ABCA4: variants seen among roughly 807,000 people sequenced by gnomAD.
ABCA4 encodes retinal-specific phospholipid-transporting ATPase ABCA4.
In ABCA4, 196 loss-of-function variants were observed where a neutral mutation model predicts 263.7. The ratio of observed to expected loss-of-function variants is 0.74; its 90% CI spans 0.66 to 0.84. The LOEUF (loss-of-function observed/expected upper bound fraction) is 0.84, where lower values mean the gene tolerates loss of function less well. Among genes scored for constraint, ABCA4 ranks in the 40% least tolerant of loss-of-function variants. The pLI is 0.00. For missense variants in ABCA4, 2,792 were observed against 2,855.1 expected, an observed-to-expected ratio of 0.98 and a Z score of 0.50; for synonymous variants, 1,133 against 1,094.2, an observed-to-expected ratio of 1.04 and a Z score of -0.70.
intron 6 of ABCA4, among the ~76,000 whole-genome samples, chr1:94,096,030 C>G (rs925673695): frequency 6.6e-6 from 1 of 152,188 alleles, no homozygotes; most frequent in African/African-American, 2.4e-5. Context: ...GAAAGCATCT[C>G]CACACCACGG....
intron 9 of ABCA4, 134 bp downstream of exon 9, chr1:94,079,188 C>A: frequency 1.5e-6 from 2 of 1,327,246 alleles, no homozygotes; most frequent in South Asian, 2.4e-5. Flanking sequence ...GGGGAGGAAA[C>A]GCAAGAGTCC....
intron 48 of ABCA4, 130 bp downstream of exon 48, chr1:93,997,731 C>T: frequency 8.2e-7 from 1 of 1,222,830 alleles, no homozygotes; most frequent in Non-Finnish European, 1.2e-6. Context: ...AGCTTTTACC[C>T]CAATAAACAG....
In ABCA4 at chr1:94,078,623, G is replaced by T; in HGVS notation, c.1323C>A (p.Phe441Leu). The change falls in exon 10 of 50, where the codon TTC (phenylalanine) becomes TTA (leucine). Residue 441 changes from phenylalanine (F) to leucine (L), a missense_variant. Phe to Leu is a conservative substitution (Grantham distance 22). Coordinates refer to ENST00000370225, the MANE Select transcript of ABCA4 (RefSeq NM_000350.3). ...TGTTCATCTGTGTGCTGTTGTCAAAGAAGTACCAGATCTGGGGCCCTACTT... is the reference window on the plus strand; with the variant it reads ...TGTTCATCTGTGTGCTGTTGTCAAATAAGTACCAGATCTGGGGCCCTACTT... The part of the protein sequence containing the change: ...WEEVGPQIWY[F>L]FDNSTQMNMI... The T allele has an allele frequency of 7.3e-7, 1 of 1,369,380 alleles. No homozygotes were observed. The highest frequency in any genetic ancestry group is 4.3e-5 in the East Asian group (1 of 23,090). The allele number at this position is 1,369,380 out of a possible 1,614,324, so 84.8% of individuals were successfully genotyped here.
rs993899876 is a variant in ABCA4 at position 94,080,843 on chromosome 1, A to G, written c.859-125T>C. ...AAGAAAACATCCATATATTCTCAGC[A>G]ATCCTTAATCCAGCTGCGAAAAACA... On this transcript the variant is annotated intron_variant, in intron 7 of 49. Transcript: ENST00000370225. 18 of 1,409,950 alleles carry G rather than the reference A, an allele frequency of 1.3e-5. 1 individual carries two copies. The highest frequency in any genetic ancestry group is 1.9e-5 in the Admixed American group (1 of 52,024). 87.3% of individuals were successfully genotyped at this position (1,409,950 alleles called of 1,614,324 possible).
chr1:94,034,837 A>G (rs1189013373), intron 26 of ABCA4, among the ~76,000 whole-genome samples: 3 of 152,200 alleles, frequency 2.0e-5, no homozygotes, highest in Non-Finnish European at 4.4e-5. Flanking sequence ...GATGGTTTGT[A>G]AACATTTAGT....
At position 94,014,605 on chromosome 1, in the gene ABCA4, G is replaced by C; in HGVS notation, c.5398C>G (p.Leu1800Val). The change falls in exon 38 of 50, where the codon CTG (leucine) becomes GTG (valine). Residue 1800 changes from leucine to valine, a missense_variant. Coordinates refer to ENST00000370225, the MANE Select transcript of ABCA4 (RefSeq NM_000350.3). ...GCACTGCTGTTGATGCCGATGAACA[G>C]ATTAGCACAAGATAAAGCCACATAG... ...TAYVALSCAN[L>V]FIGINSSAIT... 6.2e-7 allele frequency: 1 copy of C among 1,614,212 alleles called. No homozygotes were observed. Among genetic ancestry groups the C allele is most frequent in the Non-Finnish European group, 8.5e-7 (1 of 1,180,026 alleles).
chr1:94,108,474 TCCG>T (rs1662501450), intron 4 of ABCA4, 100 bp downstream of exon 4: 1 of 1,546,534 alleles, frequency 6.5e-7, no homozygotes, highest in Non-Finnish European at 8.9e-7. Context: ...CCTTCCTGCC[TCCG>T]CTAGTATATT....
At chr1:94,006,145 A>G (rs558018779) in intron 43 of ABCA4, among the ~76,000 whole-genome samples, 2 of 152,326 alleles carry the variant, frequency 1.3e-5, no homozygotes, top group Non-Finnish European at 2.9e-5. Context: ...AAGATGGAAA[A>G]TAAACTATAC....
At chr1:94,109,669 C>G (rs1299520049) in intron 3 of ABCA4, among the ~76,000 whole-genome samples, 1 of 152,170 alleles carries the variant, frequency 6.6e-6, no homozygotes, top group Non-Finnish European at 1.5e-5. Context: ...CTGGCAGGCC[C>G]AGATGGAAGA....
chr1:94,011,370 T>C lies in ABCA4; in HGVS notation c.5476A>G (p.Asn1826Asp). The C allele has an allele frequency of 6.2e-7, 1 of 1,614,014 alleles. No individual in the cohort carries two copies. The highest frequency in any genetic ancestry group is 1.7e-5 in the Admixed American group (1 of 60,022). Residue 1826 changes from asparagine (N) to aspartate (D), a missense_variant, in exon 39 of 50, where the codon AAC (asparagine) becomes GAC (aspartate). By Grantham distance (23) the Asn-to-Asp change is conservative. Transcript: ENST00000370225. The stretch of plus-strand genomic sequence containing the variant: ...ATGAGCAGCTTCCTCAGCACGGCGT[T>C]GAACCTGAGCAGCGTCTGAAACAGA... The part of the protein sequence containing the change: ...FENNRTLLRF[N>D]AVLRKLLIVF...
intron 17 of ABCA4, 74 bp from the exon 18 acceptor site, chr1:94,049,031 A>G (rs1266900830): frequency 2.1e-6 from 3 of 1,451,932 alleles, no homozygotes; most frequent in Non-Finnish European, 2.9e-6. Context: ...AGGAGGGGAG[A>G]GGTACAGGGA....
intron 37 of ABCA4, among the ~76,000 whole-genome samples, chr1:94,015,210 T>C (rs1162224803): frequency 2.0e-5 from 3 of 152,180 alleles, no homozygotes; most frequent in Admixed American, 1.3e-4. Flanking sequence ...GAGGCCGAGA[T>C]GGATGAATTA....
intron 2 of ABCA4, 38 bp downstream of exon 2, chr1:94,112,935 C>T (rs1231566252): frequency 6.5e-7 from 1 of 1,540,838 alleles, no homozygotes; most frequent in Non-Finnish European, 9.0e-7. Context: ...AGACCAAAGT[C>T]TCTTCAGGGC....
intron 9 of ABCA4, 151 bp downstream of exon 9, chr1:94,079,171 G>T: frequency 8.7e-7 from 1 of 1,146,710 alleles, no homozygotes; most frequent in Non-Finnish European, 1.3e-6. Flanking sequence ...AGTGATGACT[G>T]TGGATGGGGG....
intron 42 of ABCA4, 75 bp from the exon 43 acceptor site, chr1:94,007,815 G>A: frequency 7.2e-7 from 1 of 1,383,596 alleles, no homozygotes; most frequent in Non-Finnish European, 1.0e-6. Flanking sequence ...GGGTAAGTGT[G>A]TGTGTGAGCT....
At chr1:94,016,256 C>A (rs559775455) in intron 36 of ABCA4, among the ~76,000 whole-genome samples, 97 of 152,250 alleles carry the variant, frequency 6.4e-4, no homozygotes, top group Non-Finnish European at 1.2e-3. Flanking sequence ...CAATTTAGTC[C>A]TACAGCCACT....
chr1:93,998,517 A>G (rs968914956), intron 47 of ABCA4, among the ~76,000 whole-genome samples: 7 of 151,986 alleles, frequency 4.6e-5, no homozygotes, highest in Non-Finnish European at 8.8e-5. Flanking sequence ...CCCAAACAAG[A>G]ACAACAAAAA....
chr1:94,001,244 G>C, intron 45 of ABCA4, 139 bp from the exon 46 acceptor site: 1 of 688,858 alleles, frequency 1.5e-6, no homozygotes, highest in Non-Finnish European at 2.5e-6. Flanking sequence ...GAGCAAGACA[G>C]GGGTACCCTG....
chr1:94,044,657 C>T lies in ABCA4; in HGVS notation c.3006G>A (p.Arg1002=). ...GCTGTGGACACATGCCAAGGCTCTG[C>T]CGGACTGCATCCAGGCTGGTTTCAA... ...RDIETSLDAV[R]QSLGMCPQHN... Residue 1002 remains arginine, a synonymous_variant, in exon 20 of 50, where the codon CGG becomes CGA. Transcript: ENST00000370225. The T allele has an allele frequency of 6.2e-7, 1 of 1,614,190 alleles. No homozygotes were observed. Among genetic ancestry groups the T allele is most frequent in the East Asian group, 2.2e-5 (1 of 44,874 alleles).
Sources: gnomAD v4.1 joint callset for allele counts (sites outside exome capture counted in the v4.1 genomes callset) on GRCh38, gnomAD v4.1.1 for gene constraint, MANE v1.5 for transcripts, NCBI Gene and HGNC (gene_info 2026-07-23, HGNC 2026-07-21) for gene names.